Variants in GLI3 observed in about 807,000 individuals in gnomAD.
GLI3 encodes GLI family zinc finger 3.
A neutral mutation model predicts 100.8 loss-of-function variants in GLI3; 20 were observed. That is an observed-to-expected ratio of 0.20 (90% confidence interval 0.14 to 0.29). The LOEUF (loss-of-function observed/expected upper bound fraction) is 0.29, where lower values mean the gene tolerates loss of function less well. Ranked by LOEUF, GLI3 falls within the 10% of genes least tolerant of loss-of-function variation. The pLI is 1.00. For synonymous variants in GLI3, 938 were observed against 860.5 expected, an observed-to-expected ratio of 1.09 and a Z score of -1.58; for missense variants, 2,040 against 2,128.5, an observed-to-expected ratio of 0.96 and a Z score of 0.82.
At chr7:41,998,544 A>G (rs1466689654) in intron 10 of GLI3, among the ~76,000 whole-genome samples, 5 of 152,188 alleles carry the variant, frequency 3.3e-5, no homozygotes, top group Admixed American at 2.0e-4. Context: ...TTTCACCTCT[A>G]ACTTTTAACA....
chr7:42,167,835 C>T (rs1787275516), intron 2 of GLI3, among the ~76,000 whole-genome samples: 1 of 152,084 alleles, frequency 6.6e-6, no homozygotes, highest in Non-Finnish European at 1.5e-5. Flanking sequence ...TGGTAAAAAG[C>T]AACTATAAAA....
intron 2 of GLI3, among the ~76,000 whole-genome samples, chr7:42,216,300 C>G (rs1428770154): frequency 1.3e-5 from 2 of 152,154 alleles, no homozygotes. Flanking sequence ...GTGCTACTCT[C>G]AAGAAGTTTA....
chr7:42,005,607 A>G (rs1278592950), intron 10 of GLI3, among the ~76,000 whole-genome samples: 1 of 152,000 alleles, frequency 6.6e-6, no homozygotes, highest in Non-Finnish European at 1.5e-5. Flanking sequence ...CTGCCTCCCT[A>G]GAATACAGCC....
intron 3 of GLI3, among the ~76,000 whole-genome samples, chr7:42,089,213 T>C (rs976311921): frequency 6.6e-6 from 1 of 152,164 alleles, no homozygotes; most frequent in African/African-American, 2.4e-5. Flanking sequence ...TGCGTAATAG[T>C]GGACACACTC....
chr7:42,079,604 G>A (rs1784957776), intron 3 of GLI3, among the ~76,000 whole-genome samples: 1 of 152,196 alleles, frequency 6.6e-6, no homozygotes, highest in South Asian at 2.1e-4. Flanking sequence ...AACAGGGTGT[G>A]AATTCAGCAT....
chr7:41,988,956 T>G (rs1787903976), intron 10 of GLI3, among the ~76,000 whole-genome samples: 1 of 152,214 alleles, frequency 6.6e-6, no homozygotes, highest in Non-Finnish European at 1.5e-5. Context: ...ATTTAAGTCC[T>G]ATTGTGATTT....
At chr7:42,057,150 G>A (rs1784479790) in intron 4 of GLI3, among the ~76,000 whole-genome samples, 1 of 152,084 alleles carries the variant, frequency 6.6e-6, no homozygotes, top group Non-Finnish European at 1.5e-5. Context: ...CAGGCATTAT[G>A]CACTTCTTAC....
chr7:42,221,590 A>T (rs573980696), intron 2 of GLI3, among the ~76,000 whole-genome samples: 1 of 152,184 alleles, frequency 6.6e-6, no homozygotes, highest in Non-Finnish European at 1.5e-5. Context: ...ACTCACGCAA[A>T]CTATAAAGAT....
At position 42,148,402 on chromosome 7, in the gene GLI3, T is replaced by A. The variant is rs1436714121; in HGVS notation, c.191A>T (p.Asn64Ile). The A allele has an allele frequency of 6.2e-7, 1 of 1,613,980 alleles. No homozygotes were observed. The highest frequency in any genetic ancestry group is 1.3e-5 in the African/African-American group (1 of 74,942). The change falls in exon 3 of 15, where the codon AAT becomes ATT. Residue 64 changes from asparagine (N) to isoleucine (I), a missense_variant. Transcript: ENST00000395925. Reference sequence around the variant, plus strand: ...ACTGACTTTGCTGAGCCCCTGGACATTCTGTGGCTGCATAGTGATTGCGTT... The same window carrying A: ...ACTGACTTTGCTGAGCCCCTGGACAATCTGTGGCTGCATAGTGATTGCGTT... Reference protein sequence around the residue: ...RRNAITMQPQNVQGLSKVSEE... With the variant: ...RRNAITMQPQIVQGLSKVSEE...
At chr7:42,071,858 A>G (rs1383411989) in intron 4 of GLI3, among the ~76,000 whole-genome samples, 2 of 152,156 alleles carry the variant, frequency 1.3e-5, no homozygotes, top group East Asian at 3.9e-4. Flanking sequence ...CATAATACTG[A>G]GTCCTCTCCC....
intron 3 of GLI3, among the ~76,000 whole-genome samples, chr7:42,136,438 G>A (rs1244990917): frequency 6.6e-6 from 1 of 152,066 alleles, no homozygotes; most frequent in East Asian, 1.9e-4. Flanking sequence ...AACTAAAGAA[G>A]ATCACATAAT....
chr7:41,989,532 C>T (rs1056589713), intron 10 of GLI3, among the ~76,000 whole-genome samples: 2 of 152,176 alleles, frequency 1.3e-5, no homozygotes, highest in Non-Finnish European at 2.9e-5. Context: ...ATCATTCCTA[C>T]AAGTCCAGCA....
chr7:42,142,759 T>C (rs1214018778), intron 3 of GLI3, among the ~76,000 whole-genome samples: 1 of 150,172 alleles, frequency 6.7e-6, no homozygotes, highest in East Asian at 1.9e-4. Flanking sequence ...TGAAACCCCG[T>C]CTCTACTAAA....
chr7:41,975,903 C>T (rs533223741), intron 12 of GLI3, among the ~76,000 whole-genome samples: 1 of 152,152 alleles, frequency 6.6e-6, no homozygotes, highest in Admixed American at 6.5e-5. Flanking sequence ...ATATGAAATA[C>T]ATTCTGTTAA....
At chr7:42,110,735 T>G (rs975112686) in intron 3 of GLI3, among the ~76,000 whole-genome samples, 1 of 152,346 alleles carries the variant, frequency 6.6e-6, no homozygotes, top group South Asian at 2.1e-4. Flanking sequence ...CTTTAAATGA[T>G]AGAGGGAAAA....
chr7:42,108,762 C>G (rs1002817575), intron 3 of GLI3, among the ~76,000 whole-genome samples: 9 of 152,166 alleles, frequency 5.9e-5, no homozygotes, highest in African/African-American at 2.2e-4. Context: ...AAGAGTGAAG[C>G]TGCCCTAAAA....
intron 3 of GLI3, among the ~76,000 whole-genome samples, chr7:42,133,465 C>T (rs1350071381): frequency 6.6e-6 from 1 of 152,096 alleles, no homozygotes; most frequent in Non-Finnish European, 1.5e-5. Flanking sequence ...CCTAATTGCA[C>T]CGAGTTCCCT....
chr7:42,087,781 C>T (rs1297286166), intron 3 of GLI3, among the ~76,000 whole-genome samples: 7 of 151,078 alleles, frequency 4.6e-5, no homozygotes, highest in Admixed American at 4.6e-4. Context: ...TATTGTTACG[C>T]TTTGGAATCC....
At chr7:42,182,658 A>ATATATATATATATATACATGTG (rs1562775706) in intron 2 of GLI3, among the ~76,000 whole-genome samples, 1 of 56,052 alleles carries the variant, frequency 1.8e-5, no homozygotes, top group African/African-American at 1.0e-4. Flanking sequence ...ATATATATAT[A>ATATATATATATATATACATGTG]TATATATATA....
Sources: gnomAD v4.1 joint callset for allele counts (sites outside exome capture counted in the v4.1 genomes callset) on GRCh38, gnomAD v4.1.1 for gene constraint, MANE v1.5 for transcripts, NCBI Gene and HGNC (gene_info 2026-07-23, HGNC 2026-07-21) for gene names.